Variants in SETX observed in about 807,000 individuals in gnomAD.
The protein encoded by SETX is senataxin, also known as helicase senataxin.
Under a neutral mutation model 227.2 loss-of-function variants are expected in SETX, and 90 were observed. The ratio of observed to expected loss-of-function variants is 0.40; its 90% confidence interval spans 0.33 to 0.47. The LOEUF is 0.47. Among genes scored for constraint, SETX ranks in the 20% least tolerant of loss-of-function variants. The pLI is 0.91. For missense variants in SETX, 3,052 were observed against 3,181.5 expected (o/e 0.96, Z 0.98); for synonymous variants, 1,210 against 1,113.2 (o/e 1.09, Z -1.73).
chr9:132,349,901 TG>T (rs1475385904), intron 2 of SETX, among the ~76,000 whole-genome samples: 1 of 152,158 alleles, frequency 6.6e-6, no homozygotes, highest in South Asian at 2.1e-4. Context: ...TAGTGGGACG[TG>T]AAAAAGCCCT....
At chr9:132,275,498 T>C in intron 22 of SETX, 78 bp from the exon 23 acceptor site, 2 of 1,298,994 alleles carry the variant, frequency 1.5e-6, no homozygotes, top group Non-Finnish European at 2.2e-6. Context: ...TTCCACTGAG[T>C]TTGTTTCCCA....
intron 23 of SETX, among the ~76,000 whole-genome samples, chr9:132,272,152 G>A (rs1462002920): frequency 1.8e-4 from 28 of 152,022 alleles, no homozygotes; most frequent in Admixed American, 1.8e-3. Flanking sequence ...TTACAGGCGT[G>A]AGCCACCGCG....
intron 18 of SETX, 30 bp from the exon 19 acceptor site, chr9:132,283,443 A>C (rs1843656306): frequency 6.2e-7 from 1 of 1,613,814 alleles, no homozygotes; most frequent in Non-Finnish European, 8.5e-7. Context: ...ATCAATATTC[A>C]GCTGTACATC....
chr9:132,320,382 T>C (rs552789231), intron 10 of SETX, among the ~76,000 whole-genome samples: 1 of 152,186 alleles, frequency 6.6e-6, no homozygotes, highest in Non-Finnish European at 1.5e-5. Flanking sequence ...GAGACCATCC[T>C]GGCTAACACA....
At chr9:132,344,369 AT>A (rs1848170766) in intron 4 of SETX, among the ~76,000 whole-genome samples, 2 of 152,126 alleles carry the variant, frequency 1.3e-5, no homozygotes, top group African/African-American at 4.8e-5. Flanking sequence ...ACATGCCACT[AT>A]ATCCAGTTAA....
intron 11 of SETX, among the ~76,000 whole-genome samples, chr9:132,303,860 G>A (rs1002494260): frequency 5.9e-5 from 9 of 152,244 alleles, no homozygotes; most frequent in Admixed American, 2.0e-4. Context: ...AGTAGCTCAC[G>A]TCTGTAATCC....
rs767266197 is a variant in SETX, at chr9:132,328,559, A to C, written c.3039T>G (p.Val1013=). 4 of 1,613,966 alleles carry C rather than the reference A, an allele frequency of 2.5e-6. No individual in the cohort carries two copies. Among genetic ancestry groups the C allele is most frequent in the African/African-American group, 1.3e-5 (1 of 74,936 alleles). ...CATCATCAGAATCTGAAATAATAATAACCTGTCCACGGGAGGTATCTCCAA... is the reference window on the plus strand; with the variant it reads ...CATCATCAGAATCTGAAATAATAATCACCTGTCCACGGGAGGTATCTCCAA... ...NNVGDTSRGQ[V]IIISDSDDDD... Residue 1013 remains valine (V), a synonymous_variant, in exon 10 of 26, where the codon GTT becomes GTG. Coordinates refer to ENST00000224140, the MANE Select transcript of SETX (RefSeq NM_015046.7).
At chr9:132,336,192 G>C in intron 6 of SETX, 104 bp downstream of exon 6, 1 of 922,868 alleles carries the variant, frequency 1.1e-6, no homozygotes, top group East Asian at 2.6e-5. Flanking sequence ...GCGGTGAGTG[G>C]AGATGGTGCC....
At chr9:132,293,943 G>A (rs991625112) in intron 15 of SETX, among the ~76,000 whole-genome samples, 3 of 152,116 alleles carry the variant, frequency 2.0e-5, no homozygotes, top group Admixed American at 2.0e-4. Context: ...AGAATGGCGT[G>A]AACCTGAGAG....
At chr9:132,335,130 C>G (rs906288697) in intron 6 of SETX, among the ~76,000 whole-genome samples, 2 of 152,006 alleles carry the variant, frequency 1.3e-5, no homozygotes, top group African/African-American at 2.4e-5. Context: ...GTGGCTCACA[C>G]CTGTAATCCC....
intron 11 of SETX, among the ~76,000 whole-genome samples, 164 bp downstream of exon 11, chr9:132,311,593 G>C (rs1040333475): frequency 6.6e-6 from 1 of 152,010 alleles, no homozygotes; most frequent in Non-Finnish European, 1.5e-5. Context: ...ATTCATAATT[G>C]TTCCAGTAAC....
intron 10 of SETX, among the ~76,000 whole-genome samples, chr9:132,315,644 T>C (rs541528222): frequency 6.6e-6 from 1 of 152,292 alleles, no homozygotes; most frequent in Admixed American, 6.5e-5. Flanking sequence ...AAACACTCCT[T>C]CCACTCACTT....
Position 132,288,606 on chromosome 9 carries a change from G to T in SETX, c.6152C>A (p.Ser2051Tyr). ...GAACTTTAGAACCTCACTATTAATA[G>T]ACTTTTCTGGACCCAGTCGTACTAA... ...INLVRLGPEK[S>Y]INSEVLKFSL... The change falls in exon 16 of 26, where the codon TCT becomes TAT. Residue 2051 changes from serine (S) to tyrosine (Y), a missense_variant. Ser to Tyr is a moderately radical substitution (Grantham distance 144). This residue lies in a region of SETX where 412 missense variants were observed against 589.0 expected (regional missense o/e 0.70). Transcript: ENST00000224140. 6.2e-7 allele frequency: 1 copy of T among 1,613,808 alleles called. No individual in the cohort carries two copies. The highest frequency in any genetic ancestry group is 8.5e-7 in the Non-Finnish European group (1 of 1,179,852).
Position 132,346,315 on chromosome 9 carries a change from C to T in SETX, c.334G>A (p.Val112Ile). 1 of 1,614,070 alleles carries T rather than the reference C, an allele frequency of 6.2e-7. No homozygotes were observed. The highest frequency in any genetic ancestry group is 8.5e-7 in the Non-Finnish European group (1 of 1,180,000). Residue 112 changes from valine (V) to isoleucine (I), a missense_variant, in exon 4 of 26, where the codon GTT becomes ATT. Coordinates refer to ENST00000224140, the MANE Select transcript of SETX (RefSeq NM_015046.7). ...TGQDFENKLR[V>I]PLLEILKYPY... ...TATTTCAGTATTTCAAGAAGAGGAA[C>T]TCGAAGCTTATTTTCAAAGTCTTGC...
At chr9:132,309,279 C>T (rs1845508469) in intron 11 of SETX, among the ~76,000 whole-genome samples, 1 of 152,036 alleles carries the variant, frequency 6.6e-6, no homozygotes, top group Non-Finnish European at 1.5e-5. Context: ...CAGACTGATG[C>T]CCAGACATTA....
intron 2 of SETX, among the ~76,000 whole-genome samples, chr9:132,350,904 G>C (rs1258943507): frequency 6.6e-6 from 1 of 152,070 alleles, no homozygotes; most frequent in East Asian, 1.9e-4. Context: ...CATCGACGTG[G>C]GGGGGAAAAA....
intron 10 of SETX, 39 bp downstream of exon 10, chr9:132,326,285 A>T (rs759921879): frequency 1.4e-6 from 2 of 1,458,904 alleles, no homozygotes; most frequent in Non-Finnish European, 1.9e-6. Context: ...AGGTAACTTG[A>T]AAAGTTTGGA....
chr9:132,292,607 C>T (rs1342377015), intron 15 of SETX, among the ~76,000 whole-genome samples: 1 of 147,112 alleles, frequency 6.8e-6, no homozygotes, highest in Non-Finnish European at 1.5e-5. Flanking sequence ...CAAAGAATAA[C>T]AAAAAAGTTC....
chr9:132,306,340 A>C (rs1845334307), intron 11 of SETX, among the ~76,000 whole-genome samples: 1 of 152,058 alleles, frequency 6.6e-6, no homozygotes, highest in Non-Finnish European at 1.5e-5. Flanking sequence ...AGCCTCCCTA[A>C]TAGCTGGGAT....
Sources: allele counts gnomAD v4.1 joint callset (sites outside exome capture counted in the v4.1 genomes callset), GRCh38; gene constraint gnomAD v4.1.1; regional missense constraint gnomAD v4.1.1; transcripts MANE v1.5; gene names NCBI Gene and HGNC (gene_info 2026-07-23, HGNC 2026-07-21).